Variants in MACROD2 observed in about 807,000 individuals in gnomAD.
MACROD2 encodes ADP-ribose glycohydrolase MACROD2.
Under a neutral mutation model 70.4 loss-of-function variants are expected in MACROD2, and 36 were observed. The ratio of observed to expected loss-of-function variants is 0.51; its 90% CI spans 0.39 to 0.68. The LOEUF is 0.68. Among genes scored for constraint, MACROD2 ranks in the 30% least tolerant of loss-of-function variants. MACROD2 has a pLI of 0.00. For synonymous variants in MACROD2, 172 were observed against 178.8 expected, an observed-to-expected ratio of 0.96 and a Z score of 0.30; for missense variants, 496 against 538.4, an observed-to-expected ratio of 0.92 and a Z score of 0.78.
intron 8 of MACROD2, among the ~76,000 whole-genome samples, chr20:15,745,677 C>T (rs189288108): frequency 6.6e-6 from 1 of 152,036 alleles, no homozygotes; most frequent in Admixed American, 6.6e-5. Context: ...GGCAATATTC[C>T]CCTATATTGT....
intron 17 of MACROD2, among the ~76,000 whole-genome samples, chr20:16,045,958 C>T (rs2067374097): frequency 6.6e-6 from 1 of 150,710 alleles, no homozygotes; most frequent in South Asian, 2.1e-4. Flanking sequence ...GATGTTATAA[C>T]TGTTCCAAGT....
At chr20:15,263,264 T>C (rs562699833) in intron 6 of MACROD2, among the ~76,000 whole-genome samples, 1 of 151,944 alleles carries the variant, frequency 6.6e-6, no homozygotes, top group African/African-American at 2.4e-5. Context: ...TATATAGATA[T>C]TCAGTTTTCC....
At position 13,995,857 on chromosome 20, in the gene MACROD2, T is replaced by TGGGGGGG; in HGVS notation, c.46+53_46+54insGGGGGGG. On this transcript the variant is annotated intron_variant, in intron 1 of 17. Transcript: ENST00000684519. This position sits in a 1 kb window ranked among gnomAD's most constrained non-coding sequence, Gnocchi z 4.3. ...GGGGTGCGGGCGGTGGGGGTTAGGG[T>TGGGGGGG]GGGGGCGGGGGTCAGGCTGTGTGTG... The TGGGGGGG allele has an allele frequency of 1.4e-5, 4 of 284,152 alleles. No homozygotes were observed. The highest frequency in any genetic ancestry group is 2.6e-5 in the Non-Finnish European group (4 of 155,024). The allele number at this position is 284,152 out of a possible 1,614,324, so 17.6% of individuals were successfully genotyped here. A position where few individuals can be genotyped will look rare whatever the true frequency, so the allele number is the denominator to read the frequency against.
intron 8 of MACROD2, among the ~76,000 whole-genome samples, chr20:15,589,806 A>G (rs907330342): frequency 2.0e-5 from 3 of 152,158 alleles, no homozygotes; most frequent in Admixed American, 6.5e-5. Context: ...TATTTTGTGA[A>G]TATGCATTTT....
chr20:15,690,125 G>A (rs1469544256), intron 8 of MACROD2, among the ~76,000 whole-genome samples: 1 of 152,226 alleles, frequency 6.6e-6, no homozygotes, highest in Non-Finnish European at 1.5e-5. Flanking sequence ...TGCGCAGAAT[G>A]CTTTTGGAGA....
chr20:14,766,865 C>A (rs1211626216), intron 5 of MACROD2, among the ~76,000 whole-genome samples: 1 of 152,098 alleles, frequency 6.6e-6, no homozygotes, highest in Non-Finnish European at 1.5e-5. Context: ...CAATTTTCAG[C>A]TCTATTCCAA....
chr20:15,422,372 A>G (rs745736043), intron 6 of MACROD2, among the ~76,000 whole-genome samples: 6 of 152,134 alleles, frequency 3.9e-5, no homozygotes, highest in Non-Finnish European at 5.9e-5. Context: ...ATCTGCCTAT[A>G]CCTGTCTTGT....
At chr20:14,531,829 G>A (rs1357546783) in intron 4 of MACROD2, among the ~76,000 whole-genome samples, 1 of 152,140 alleles carries the variant, frequency 6.6e-6, no homozygotes, top group East Asian at 1.9e-4. Flanking sequence ...CCTCCGGGAA[G>A]GGAAGGTTGA....
At chr20:14,345,218 C>A (rs995591079) in intron 3 of MACROD2, among the ~76,000 whole-genome samples, 2 of 151,944 alleles carry the variant, frequency 1.3e-5, no homozygotes, top group Non-Finnish European at 1.5e-5. Context: ...AATGGCTTTA[C>A]CTATATTTTA....
At chr20:14,788,772 T>G (rs1473111516) in intron 5 of MACROD2, among the ~76,000 whole-genome samples, 3 of 139,936 alleles carry the variant, frequency 2.1e-5, no homozygotes, top group Non-Finnish European at 3.1e-5. Context: ...TGTTTTTTTT[T>G]TTTTTTTTTT....
At chr20:15,284,255 T>C (rs6079727) in intron 6 of MACROD2, among the ~76,000 whole-genome samples, 35,554 of 152,132 alleles carry the variant, frequency 0.23, 4,731 homozygotes, top group African/African-American at 0.37. Flanking sequence ...ATTTATTGAA[T>C]AAATCAGATT....
At chr20:14,162,667 A>T (rs2055207494) in intron 3 of MACROD2, among the ~76,000 whole-genome samples, 1 of 151,876 alleles carries the variant, frequency 6.6e-6, no homozygotes, top group African/African-American at 2.4e-5. Flanking sequence ...TGTTTTATCT[A>T]AGTATAGCTA....
intron 5 of MACROD2, among the ~76,000 whole-genome samples, chr20:14,738,667 A>G (rs2071697243): frequency 6.6e-6 from 1 of 151,980 alleles, no homozygotes; most frequent in African/African-American, 2.4e-5. Flanking sequence ...TATTTCTGCA[A>G]ATTATATATT....
At chr20:14,222,909 A>G (rs1278742590) in intron 3 of MACROD2, 1 of 152,262 alleles carries the variant, frequency 6.6e-6, no homozygotes, top group East Asian at 1.9e-4. Flanking sequence ...AGCCTTTGTA[A>G]TGGGAACAAG....
intron 3 of MACROD2, among the ~76,000 whole-genome samples, chr20:14,161,644 G>A (rs972646847): frequency 2.7e-5 from 4 of 147,546 alleles, no homozygotes; most frequent in African/African-American, 5.0e-5. Flanking sequence ...TGGCGCGATC[G>A]CAGCTCACTG....
At chr20:15,991,778 T>A (rs564626366) in intron 15 of MACROD2, among the ~76,000 whole-genome samples, 2 of 152,332 alleles carry the variant, frequency 1.3e-5, no homozygotes, top group African/African-American at 4.8e-5. Context: ...TCTTCTTTTT[T>A]AATAATATTT....
intron 6 of MACROD2, among the ~76,000 whole-genome samples, chr20:15,342,535 G>A (rs1025660951): frequency 2.0e-5 from 3 of 152,022 alleles, no homozygotes; most frequent in Non-Finnish European, 2.9e-5. Context: ...TTAAAATCAC[G>A]GACAAAAATG....
intron 13 of MACROD2, among the ~76,000 whole-genome samples, chr20:15,980,307 A>G (rs574291509): frequency 1.3e-4 from 20 of 152,290 alleles, no homozygotes; most frequent in African/African-American, 4.6e-4. Context: ...ACTGAGTATA[A>G]AACAATATAA....
chr20:15,941,699 T>G (rs1188896337), intron 12 of MACROD2, among the ~76,000 whole-genome samples: 1 of 152,212 alleles, frequency 6.6e-6, no homozygotes, highest in South Asian at 2.1e-4. Flanking sequence ...CCAATTTAAG[T>G]GGCAGAACAT....
Sources: allele counts gnomAD v4.1 joint callset (sites outside exome capture counted in the v4.1 genomes callset), GRCh38; gene constraint gnomAD v4.1.1; non-coding constraint Gnocchi (gnomAD v3.1); transcripts MANE v1.5; gene names NCBI Gene and HGNC (gene_info 2026-07-23, HGNC 2026-07-21).